SGCZ: variants seen among roughly 807,000 people sequenced by gnomAD.
SGCZ encodes zeta-sarcoglycan.
In SGCZ, 40 loss-of-function variants were observed where a neutral mutation model predicts 41.3. That is an observed-to-expected ratio of 0.97 (90% CI 0.75 to 1.26). The LOEUF (loss-of-function observed/expected upper bound fraction) is 1.26, where lower values mean the gene tolerates loss of function less well. Ranked by LOEUF, SGCZ falls within the 50% of genes most tolerant of loss-of-function variation. The pLI is 0.00. For synonymous variants in SGCZ, 206 were observed against 137.5 expected (o/e 1.50, Z -3.49); for missense variants, 552 against 369.8 (o/e 1.49, Z -4.04).
chr8:14,225,038 C>A (rs1806326059), intron 4 of SGCZ, among the ~76,000 whole-genome samples: 1 of 152,106 alleles, frequency 6.6e-6, no homozygotes, highest in South Asian at 2.1e-4. Flanking sequence ...TTTTTACATT[C>A]TAAATGCATT....
chr8:15,013,661 C>A (rs1019340322), intron 1 of SGCZ, among the ~76,000 whole-genome samples: 7 of 152,190 alleles, frequency 4.6e-5, no homozygotes, highest in Non-Finnish European at 1.0e-4. Flanking sequence ...CCAGCACTTA[C>A]CACCAAGTCT....
chr8:14,400,256 T>C (rs1444783615), intron 2 of SGCZ, among the ~76,000 whole-genome samples: 1 of 152,160 alleles, frequency 6.6e-6, no homozygotes, highest in Non-Finnish European at 1.5e-5. Context: ...TATTTATCCA[T>C]TCATCAGTTG....
In SGCZ at chr8:14,523,657, G is replaced by A. The variant is rs559421480; in HGVS notation, c.234+31075C>T. On this transcript the variant is annotated intron_variant, in intron 2 of 7. Coordinates refer to ENST00000382080, the MANE Select transcript of SGCZ (RefSeq NM_139167.4). ...TTTGTGTCTAGCTTTAGATTTCTTTGAATTTTCCACATTTTAGATTTGTTC... is the reference window on the plus strand; with the variant it reads ...TTTGTGTCTAGCTTTAGATTTCTTTAAATTTTCCACATTTTAGATTTGTTC... 7.9e-5 allele frequency among the ~76,000 whole-genome samples: 12 copies of A among 151,966 alleles called. No homozygotes were observed. The South Asian group carries it at 1.7e-3, about 21-fold the overall frequency.
intron 1 of SGCZ, among the ~76,000 whole-genome samples, chr8:14,802,296 G>A (rs1343623262): frequency 6.6e-6 from 1 of 152,164 alleles, no homozygotes; most frequent in Non-Finnish European, 1.5e-5. Flanking sequence ...AAATCACTAA[G>A]CTGCCATGCC....
chr8:14,186,517 C>T (rs73217588), intron 4 of SGCZ, among the ~76,000 whole-genome samples: 1 of 152,104 alleles, frequency 6.6e-6, no homozygotes, highest in Non-Finnish European at 1.5e-5. Flanking sequence ...GGGTCCAGGC[C>T]ACGATAGGCT....
At chr8:14,863,634 A>C (rs1246811721) in intron 1 of SGCZ, among the ~76,000 whole-genome samples, 1 of 152,174 alleles carries the variant, frequency 6.6e-6, no homozygotes, top group Non-Finnish European at 1.5e-5. Context: ...AACTGCTTTT[A>C]AAAAATATTT....
At chr8:14,140,774 C>G (rs1803344837) in intron 5 of SGCZ, among the ~76,000 whole-genome samples, 1 of 152,078 alleles carries the variant, frequency 6.6e-6, no homozygotes. Context: ...CAATGCCATC[C>G]CCATCAAGCT....
At chr8:14,398,275 T>A (rs1229783164) in intron 2 of SGCZ, among the ~76,000 whole-genome samples, 2 of 152,148 alleles carry the variant, frequency 1.3e-5, no homozygotes, top group Admixed American at 1.3e-4. Flanking sequence ...AGCTTTGAAA[T>A]GAGAACAGTG....
At chr8:14,716,897 A>G (rs972121945) in intron 1 of SGCZ, among the ~76,000 whole-genome samples, 5 of 152,120 alleles carry the variant, frequency 3.3e-5, no homozygotes, top group African/African-American at 1.2e-4. Flanking sequence ...CTAATGCTAC[A>G]TGAGTTTCAA....
intron 3 of SGCZ, among the ~76,000 whole-genome samples, chr8:14,283,759 TATC>T (rs1413734609): frequency 1.3e-5 from 2 of 152,204 alleles, no homozygotes; most frequent in Non-Finnish European, 2.9e-5. Flanking sequence ...ATATGGTCTC[TATC>T]ATAACTACTC....
Position 14,962,179 on chromosome 8 carries a change from C to T in SGCZ, c.39+275406G>A, listed in dbSNP as rs552456107. On this transcript the variant is annotated intron_variant, in intron 1 of 7. Coordinates refer to ENST00000382080, the MANE Select transcript of SGCZ (RefSeq NM_139167.4). ...TCAATGGTATGTGAATTAATTATTA[C>T]GTCAACCAGTTTCTGATTTATTTTT... Among the ~76,000 whole-genome samples, 127 of 152,204 alleles carry T rather than the reference C, an allele frequency of 8.3e-4. 1 individual carries two copies. The highest frequency in any genetic ancestry group is 2.4e-3 in the African/African-American group (101 of 41,544).
intron 1 of SGCZ, among the ~76,000 whole-genome samples, chr8:14,948,939 T>G (rs1800541560): frequency 6.6e-6 from 1 of 152,034 alleles, no homozygotes; most frequent in Admixed American, 6.6e-5. Context: ...CTTTTTTTTC[T>G]TCCTTCTGTC....
chr8:14,208,964 A>G (rs1353439030), intron 4 of SGCZ, among the ~76,000 whole-genome samples: 3 of 152,202 alleles, frequency 2.0e-5, no homozygotes, highest in Admixed American at 6.5e-5. Flanking sequence ...ATCAAGCTGC[A>G]GACATGGACA....
At chr8:14,615,646 C>T (rs1182844278) in intron 1 of SGCZ, among the ~76,000 whole-genome samples, 2 of 152,106 alleles carry the variant, frequency 1.3e-5, no homozygotes, top group Non-Finnish European at 2.9e-5. Flanking sequence ...AGGTATGCTA[C>T]CTGGGTCTTT....
intron 4 of SGCZ, among the ~76,000 whole-genome samples, chr8:14,212,589 A>G (rs1378735258): frequency 6.6e-6 from 1 of 152,180 alleles, no homozygotes; most frequent in Non-Finnish European, 1.5e-5. Flanking sequence ...CGTGACTGAT[A>G]AAATAGAAGA....
At chr8:14,330,510 A>T (rs1051546197) in intron 2 of SGCZ, among the ~76,000 whole-genome samples, 15 of 152,106 alleles carry the variant, frequency 9.9e-5, no homozygotes, top group Middle Eastern at 6.4e-3. Context: ...ACCGAATGAA[A>T]AAATAATATT....
chr8:14,510,722 T>C (rs1184977437), intron 2 of SGCZ, among the ~76,000 whole-genome samples: 1 of 152,172 alleles, frequency 6.6e-6, no homozygotes, highest in Non-Finnish European at 1.5e-5. Context: ...AGAATCTGTC[T>C]CTCCTTCCCT....
chr8:15,039,644 A>G (rs1804007260), intron 1 of SGCZ, among the ~76,000 whole-genome samples: 1 of 152,226 alleles, frequency 6.6e-6, no homozygotes, highest in Non-Finnish European at 1.5e-5. Context: ...ACTGCTTCCA[A>G]AAAGAGTAAA....
At chr8:14,124,134 AAAT>A (rs1458945119) in intron 5 of SGCZ, among the ~76,000 whole-genome samples, 1 of 152,218 alleles carries the variant, frequency 6.6e-6, no homozygotes, top group East Asian at 1.9e-4. Flanking sequence ...CTAGAACTGG[AAAT>A]AATAAATTTG....
Sources: allele counts gnomAD v4.1 joint callset (sites outside exome capture counted in the v4.1 genomes callset), GRCh38; gene constraint gnomAD v4.1.1; transcripts MANE v1.5; gene names NCBI Gene and HGNC (gene_info 2026-07-23, HGNC 2026-07-21).